The following MBIP variants were observed in gnomAD, a reference collection of about 807,000 sequenced individuals.
The protein encoded by MBIP is MAP3K12 binding inhibitory protein 1, also known as MAP3K12-binding inhibitory protein 1.
A neutral mutation model predicts 45.7 loss-of-function variants in MBIP; 32 were observed. That is an observed-to-expected ratio of 0.70 (90% CI 0.53 to 0.94). The LOEUF (loss-of-function observed/expected upper bound fraction) is 0.94. MBIP is among the 40% of genes least tolerant of loss of function. The pLI, the probability that MBIP is intolerant of heterozygous loss-of-function variation, is 0.00. For missense variants in MBIP, 381 were observed against 405.5 expected (o/e 0.94, Z 0.52); for synonymous variants, 145 against 141.0 (o/e 1.03, Z -0.20).
chr14:36,310,821 T>G (rs762740370), intron 6 of MBIP, among the ~76,000 whole-genome samples: 6 of 152,142 alleles, frequency 3.9e-5, no homozygotes, highest in Non-Finnish European at 7.4e-5. Flanking sequence ...AGCCCAGAGG[T>G]GTAGCTGGAA....
chr14:36,304,072 A>G (rs2139202323), intron 7 of MBIP, among the ~76,000 whole-genome samples: 1 of 152,274 alleles, frequency 6.6e-6, no homozygotes, highest in African/African-American at 2.4e-5. Flanking sequence ...AAATATGTTT[A>G]CAATCTAATT....
At chr14:36,316,913 T>C (rs2139236556) in intron 1 of MBIP, 101 bp from the exon 2 acceptor site, 1 of 1,297,396 alleles carries the variant, frequency 7.7e-7, no homozygotes, top group Non-Finnish European at 1.0e-6. Flanking sequence ...GGGTCTATTT[T>C]GCTCTAAGTT....
intron 4 of MBIP, among the ~76,000 whole-genome samples, chr14:36,312,920 TTA>T (rs1880291960): frequency 6.6e-6 from 1 of 150,474 alleles, no homozygotes; most frequent in Non-Finnish European, 1.5e-5. Context: ...TTAAAAAAAA[TTA>T]TTTTTTCCCC....
chr14:36,320,551 C>T lies in MBIP; in HGVS notation c.38G>A (p.Gly13Asp). 6.2e-7 allele frequency: 1 copy of T among 1,613,612 alleles called. No individual in the cohort carries two copies. Among genetic ancestry groups the T allele is most frequent in the Non-Finnish European group, 8.5e-7 (1 of 1,179,770 alleles). The change falls in exon 1 of 9, where the codon GGT becomes GAT. Residue 13 changes from glycine (G) to aspartate (D), a missense_variant. Gly to Asp is a moderately conservative substitution (Grantham distance 94). Coordinates refer to ENST00000416007, the MANE Select transcript of MBIP (RefSeq NM_016586.3). ...AATELNRPSS[G>D]DRNLERRCRP... ...GCATCTTCGCTCCAGGTTCCTGTCA[C>T]CGCTGCTCGGGCGATTAAGCTCCGT... is the stretch of plus-strand genomic sequence containing the variant.
rs1879469541 is a variant in MBIP, at chr14:36,300,424, ACT to A, written c.927+359_927+360del. ...TTTAGACAGGGCTGGCTGAAGTCAA[ACT>A]CTGCCAAACACCCTTTTTGATCTAG... is the stretch of plus-strand genomic sequence containing the variant. On this transcript the variant is annotated intron_variant, in intron 8 of 8. Transcript: ENST00000416007. Among the ~76,000 whole-genome samples, 4 of 152,296 alleles carry A rather than the reference ACT, an allele frequency of 2.6e-5. No individual in the cohort carries two copies. The South Asian group carries it at 8.3e-4, about 32-fold the overall frequency.
chr14:36,313,807 T>C (rs1880361769), intron 4 of MBIP: 1 of 152,154 alleles, frequency 6.6e-6, no homozygotes, highest in Non-Finnish European at 1.5e-5. Flanking sequence ...ATTCCAATTA[T>C]GAACTCTTCT....
At chr14:36,313,651 TA>T (rs1354669272) in intron 4 of MBIP, 1 of 152,132 alleles carries the variant, frequency 6.6e-6, no homozygotes, top group Non-Finnish European at 1.5e-5. Context: ...AGCACACAGC[TA>T]AATTCAGGAC....
chr14:36,311,642 G>T lies in MBIP; in HGVS notation c.721C>A (p.Arg241=), dbSNP rs772065639. 5.6e-6 allele frequency: 9 copies of T among 1,613,226 alleles called. No individual in the cohort carries two copies. The South Asian group carries it at 8.8e-5, about 16-fold the overall frequency. ...GSGHKPNSML[R]DCGNQAVEER... ...TCTACAGCCTGATTACCACAGTCTC[G>T]AAGCATGCTGTTAGGTTTATGACCT... Residue 241 remains arginine, a synonymous_variant, in exon 6 of 9, where the codon CGA becomes AGA. Transcript: ENST00000416007.
chr14:36,320,524 C>T lies in MBIP; in HGVS notation c.65G>A (p.Arg22Lys). Reference protein sequence around the residue: ...SGDRNLERRCRPNLSREVLYE... With the variant: ...SGDRNLERRCKPNLSREVLYE... The stretch of plus-strand genomic sequence containing the variant: ...GAGCACCTCTCGGGAGAGGTTGGGT[C>T]TGCATCTTCGCTCCAGGTTCCTGTC... Residue 22 changes from arginine (R) to lysine (K), a missense_variant, in exon 1 of 9, where the codon AGA becomes AAA. Transcript: ENST00000416007. 1 of 1,613,834 alleles carries T rather than the reference C, an allele frequency of 6.2e-7. No individual in the cohort carries two copies. Among genetic ancestry groups the T allele is most frequent in the Non-Finnish European group, 8.5e-7 (1 of 1,179,868 alleles).
chr14:36,320,627 G>T lies in MBIP; in HGVS notation c.-39C>A. ...GCCGCCCCACCACCACCACCACCAA[G>T]ATTTGCTCACAACCCCGCCCCCTCC... is the stretch of plus-strand genomic sequence containing the variant. On this transcript the variant is annotated 5_prime_UTR_variant, in exon 1 of 9. Coordinates refer to ENST00000416007, the MANE Select transcript of MBIP (RefSeq NM_016586.3). The T allele has an allele frequency of 6.4e-7, 1 of 1,564,290 alleles. No homozygotes were observed. The highest frequency in any genetic ancestry group is 8.6e-7 in the Non-Finnish European group (1 of 1,157,518).
intron 6 of MBIP, among the ~76,000 whole-genome samples, chr14:36,308,848 A>G (rs1227281852): frequency 6.6e-6 from 1 of 152,138 alleles, no homozygotes; most frequent in Non-Finnish European, 1.5e-5. Context: ...TGTTTCTGCC[A>G]TGCTTCCGTA....
intron 1 of MBIP, among the ~76,000 whole-genome samples, chr14:36,318,675 T>C (rs1352450688): frequency 6.6e-6 from 1 of 152,022 alleles, no homozygotes; most frequent in East Asian, 1.9e-4. Context: ...TTAAAATTAG[T>C]AAATTTTGTG....
chr14:36,314,382 TACTA>T (rs1185038890), intron 4 of MBIP, 126 bp downstream of exon 4: 6 of 623,578 alleles, frequency 9.6e-6, no homozygotes, highest in South Asian at 2.4e-5. Context: ...CTGTCTTAAT[TACTA>T]ACTAAATCCA....
At chr14:36,300,759 A>G (rs1322976250) in intron 8 of MBIP, 26 bp downstream of exon 8, 2 of 1,523,774 alleles carry the variant, frequency 1.3e-6, no homozygotes, top group Non-Finnish European at 1.8e-6. Context: ...TATTTCAGAA[A>G]CCAAAATGAA....
Position 36,299,189 on chromosome 14 carries a change from T to C in MBIP, c.929A>G (p.Gln310Arg). ...ATCAAGTTCAGCCAGTGAATAGTTC[T>C]GCTGTAAACAATAACGACACAAATT... Reference protein sequence around the residue: ...GKRRKVQPPQQNYSLAELDEK... With the variant: ...GKRRKVQPPQRNYSLAELDEK... The change falls in exon 9 of 9, where the codon CAG (glutamine) becomes CGG (arginine). Residue 310 changes from glutamine (Q) to arginine (R), a missense_variant and splice_region_variant. By Grantham distance (43) the Gln-to-Arg change is conservative (BLOSUM62 1). Coordinates refer to ENST00000416007, the MANE Select transcript of MBIP (RefSeq NM_016586.3). 1 of 1,606,646 alleles carries C rather than the reference T, an allele frequency of 6.2e-7. No individual in the cohort carries two copies. The highest frequency in any genetic ancestry group is 2.2e-5 in the East Asian group (1 of 44,792).
At chr14:36,306,535 A>G (rs1165560400) in intron 7 of MBIP, among the ~76,000 whole-genome samples, 1 of 152,132 alleles carries the variant, frequency 6.6e-6, no homozygotes, top group Admixed American at 6.5e-5. Context: ...GGCCTCCCAA[A>G]GTGCTGGGAT....
At chr14:36,317,280 A>G (rs1198386951) in intron 1 of MBIP, among the ~76,000 whole-genome samples, 4 of 152,172 alleles carry the variant, frequency 2.6e-5, no homozygotes, top group African/African-American at 9.7e-5. Context: ...ACATATCAGA[A>G]ATATATCATT....
chr14:36,304,928 A>C (rs924879885), intron 7 of MBIP, among the ~76,000 whole-genome samples: 1 of 152,214 alleles, frequency 6.6e-6, no homozygotes, highest in Non-Finnish European at 1.5e-5. Flanking sequence ...ATTTCAATGA[A>C]AATCTTTTCA....
intron 7 of MBIP, 56 bp from the exon 8 acceptor site, chr14:36,300,879 CT>C: frequency 9.1e-7 from 1 of 1,095,904 alleles, no homozygotes; most frequent in Non-Finnish European, 1.3e-6. Context: ...ATTTTTTTTT[CT>C]TTATAAAATA....
Sources: allele counts gnomAD v4.1 joint callset (sites outside exome capture counted in the v4.1 genomes callset), GRCh38; gene constraint gnomAD v4.1.1; transcripts MANE v1.5; gene names NCBI Gene and HGNC (gene_info 2026-07-23, HGNC 2026-07-21).